LNX1: variants seen among roughly 807,000 people sequenced by gnomAD.
The protein encoded by LNX1 is ligand of numb-protein X 1.
In LNX1, 54 loss-of-function variants were observed where a neutral mutation model predicts 68.4. The observed-to-expected ratio is 0.79, with a 90% CI of 0.63 to 0.99. The LOEUF is 0.99. Ranked by LOEUF, LNX1 falls within the 50% of genes least tolerant of loss-of-function variation. The pLI is 0.00. For missense variants in LNX1, 906 were observed against 926.4 expected (o/e 0.98, Z 0.29); for synonymous variants, 336 against 350.0 (o/e 0.96, Z 0.45).
intron 2 of LNX1, chr4:53,558,195 G>C: frequency 2.3e-6 from 3 of 1,316,400 alleles, no homozygotes; most frequent in Non-Finnish European, 2.9e-6. Context: ...GAGCCACCAC[G>C]GTTGGCGAGA....
intron 2 of LNX1, among the ~76,000 whole-genome samples, chr4:53,552,158 G>A (rs1021661982): frequency 2.2e-4 from 33 of 152,268 alleles, no homozygotes; most frequent in African/African-American, 6.0e-4. Flanking sequence ...AGTCAGTCAC[G>A]CAGCTAGTGG....
rs1316656161 is a variant in LNX1, at chr4:53,460,833, A to G, written c.*74T>C. On this transcript the variant is annotated 3_prime_UTR_variant, in exon 11 of 11. Transcript: ENST00000263925. ...ATTCTTTCTTTAAATATAAAAACTG[A>G]CAAGATAAATATAGTGTTTCAACTT... 14 of 1,328,962 alleles carry G rather than the reference A, an allele frequency of 1.1e-5. No homozygotes were observed. Among genetic ancestry groups the G allele is most frequent in the Non-Finnish European group, 1.5e-5 (14 of 964,752 alleles). The allele number at this position is 1,328,962 out of a possible 1,614,324, so 82.3% of individuals were successfully genotyped here. A position where few individuals can be genotyped will look rare whatever the true frequency, so the allele number is the denominator to read the frequency against.
chr4:53,633,861 GGCCGT>G (rs779966625), intron 1 of LNX1, among the ~76,000 whole-genome samples: 12 of 152,142 alleles, frequency 7.9e-5, no homozygotes, highest in Admixed American at 4.6e-4. Flanking sequence ...ACCTTCTTAG[GGCCGT>G]GTTTCTGCAT....
intron 6 of LNX1, among the ~76,000 whole-genome samples, chr4:53,483,268 C>CT (rs1360299240): frequency 1.2e-4 from 19 of 152,330 alleles, no homozygotes; most frequent in African/African-American, 4.6e-4. Flanking sequence ...TCCACCATGA[C>CT]TGAGAGGCCT....
Position 53,506,538 on chromosome 4 carries a change from C to T in LNX1, c.775+779G>A, listed in dbSNP as rs116045380. ...CAACCTAAGTAACCTCTCTGTGCCA[C>T]AGTTTCCTCATCTGTAAAACAGGAA... On this transcript the variant is annotated intron_variant, in intron 4 of 10. Transcript: ENST00000263925. 3.5e-3 allele frequency among the ~76,000 whole-genome samples: 528 copies of T among 152,136 alleles called. 1 individual carries two copies. The highest frequency in any genetic ancestry group is 5.9e-3 in the Non-Finnish European group (400 of 67,990).
chr4:53,610,129 C>T (rs1249642559), intron 2 of LNX1, among the ~76,000 whole-genome samples: 2 of 151,936 alleles, frequency 1.3e-5, no homozygotes, highest in African/African-American at 4.8e-5. Context: ...TATTGTTTTT[C>T]ATATGTCCGC....
Position 53,476,965 on chromosome 4 carries a change from A to T in LNX1, c.1680T>A (p.Asn560Lys), listed in dbSNP as rs777533198. The change falls in exon 9 of 11, where the codon AAT becomes AAA. Residue 560 changes from asparagine to lysine, a missense_variant. By Grantham distance (94) the Asn-to-Lys change is moderately conservative. Transcript: ENST00000263925. ...GRIKTGDILL[N>K]VDGVELTEVS... ...CCTCTGTCAGTTCGACCCCATCCAC[A>T]TTCAACAAAATGTCACCTGATGGCC... The T allele has an allele frequency of 6.2e-7, 1 of 1,614,040 alleles. No homozygotes were observed. Among genetic ancestry groups the T allele is most frequent in the South Asian group, 1.1e-5 (1 of 91,082 alleles).
chr4:53,622,982 G>A (rs1395393398), intron 1 of LNX1, among the ~76,000 whole-genome samples: 1 of 152,174 alleles, frequency 6.6e-6, no homozygotes, highest in Non-Finnish European at 1.5e-5. Flanking sequence ...GAAACAGTTT[G>A]TCTTTTACAT....
At chr4:53,511,995 G>C (rs1030241306) in intron 2 of LNX1, among the ~76,000 whole-genome samples, 5 of 152,220 alleles carry the variant, frequency 3.3e-5, no homozygotes, top group African/African-American at 1.2e-4. Flanking sequence ...TCTTTCTCTT[G>C]GTTCACTGTT....
intron 2 of LNX1, among the ~76,000 whole-genome samples, chr4:53,531,262 C>A (rs1440346048): frequency 6.6e-6 from 1 of 152,256 alleles, no homozygotes; most frequent in Non-Finnish European, 1.5e-5. Context: ...TTATGGTCAA[C>A]AGAATTCTGT....
intron 2 of LNX1, among the ~76,000 whole-genome samples, chr4:53,555,958 T>C (rs1729881451): frequency 1.3e-5 from 2 of 152,218 alleles, no homozygotes; most frequent in Non-Finnish European, 2.9e-5. Flanking sequence ...ATGGAAAGAT[T>C]CCTCAATAGC....
intron 2 of LNX1, among the ~76,000 whole-genome samples, chr4:53,608,784 A>G (rs931535747): frequency 1.3e-5 from 2 of 152,270 alleles, no homozygotes; most frequent in African/African-American, 4.8e-5. Flanking sequence ...GCAGCCATAA[A>G]AAGAATGAGA....
intron 9 of LNX1, among the ~76,000 whole-genome samples, chr4:53,465,996 A>C (rs1306203375): frequency 6.6e-6 from 1 of 152,170 alleles, no homozygotes; most frequent in Non-Finnish European, 1.5e-5. Context: ...ATACTCTTTC[A>C]AAAAATTATT....
At chr4:53,461,184 C>G (rs1560603739) in intron 10 of LNX1, 142 bp from the exon 11 acceptor site, 1 of 759,482 alleles carries the variant, frequency 1.3e-6, no homozygotes, top group African/African-American at 1.8e-5. Flanking sequence ...TTTCTTGCCT[C>G]TTATTTACAT....
chr4:53,630,477 G>A (rs905366443), intron 1 of LNX1, among the ~76,000 whole-genome samples: 20 of 152,040 alleles, frequency 1.3e-4, no homozygotes, highest in African/African-American at 4.6e-4. Context: ...CTGTCTACTA[G>A]TGCCACTTTT....
chr4:53,504,119 A>T (rs552246118), intron 4 of LNX1, among the ~76,000 whole-genome samples: 138 of 152,308 alleles, frequency 9.1e-4, no homozygotes, highest in African/African-American at 3.2e-3. Flanking sequence ...TGGGCTACAG[A>T]GCGAGCGAGA....
Position 53,492,522 on chromosome 4 carries a change from A to AGAGAGAGAGG in LNX1, c.1350+3500_1350+3501insCCTCTCTCTC, listed in dbSNP as rs1318521872. On this transcript the variant is annotated intron_variant, in intron 6 of 10. Coordinates refer to ENST00000263925, the MANE Select transcript of LNX1 (RefSeq NM_001126328.3). ...AGAGGGCTCTGAGAGAGAGAGAGAGAGAGAGAGAGAGAGAGAGAGAGTGGC... is the reference window on the plus strand; with the variant it reads ...AGAGGGCTCTGAGAGAGAGAGAGAGAGAGAGAGAGGGAGAGAGAGAGAGAGAGAGAGTGGC... Among the ~76,000 whole-genome samples the AGAGAGAGAGG allele has an allele frequency of 3.3e-5, 5 of 150,568 alleles. No individual in the cohort carries two copies. In the East Asian group the frequency reaches 9.8e-4, roughly 30 times the overall value.
At chr4:53,578,476 CAT>C (rs1334523824) in intron 1 of LNX1, among the ~76,000 whole-genome samples, 1 of 152,144 alleles carries the variant, frequency 6.6e-6, no homozygotes, top group African/African-American at 2.4e-5. Flanking sequence ...TATATCTAAA[CAT>C]AGAAAAGGTA....
At chr4:53,491,333 T>A (rs970404618) in intron 6 of LNX1, among the ~76,000 whole-genome samples, 2 of 152,132 alleles carry the variant, frequency 1.3e-5, no homozygotes, top group African/African-American at 4.8e-5. Flanking sequence ...CAATGGACTC[T>A]CCCTTTTCCA....
Sources: allele counts gnomAD v4.1 joint callset (sites outside exome capture counted in the v4.1 genomes callset), GRCh38; gene constraint gnomAD v4.1.1; transcripts MANE v1.5; gene names NCBI Gene and HGNC (gene_info 2026-07-23, HGNC 2026-07-21).